The following KIF21B variants were observed in gnomAD, a reference collection of about 807,000 sequenced individuals.
KIF21B encodes the protein kinesin family member 21B.
Under a neutral mutation model 192.9 loss-of-function variants are expected in KIF21B, and 85 were observed. That is an observed-to-expected ratio of 0.44 (90% CI 0.37 to 0.53). The LOEUF is 0.53. Among genes scored for constraint, KIF21B ranks in the 20% least tolerant of loss-of-function variants. The probability of loss-of-function intolerance (pLI) is 0.00; values close to 1 mark genes in which losing one functional copy is unlikely to be tolerated. For missense variants in KIF21B, 1,716 were observed against 2,194.8 expected, an observed-to-expected ratio of 0.78 and a Z score of 4.36; for synonymous variants, 832 against 884.6, an observed-to-expected ratio of 0.94 and a Z score of 1.05.
intron 1 of KIF21B, among the ~76,000 whole-genome samples, chr1:201,018,158 G>A (rs1255957323): frequency 1.3e-5 from 2 of 152,202 alleles, no homozygotes; most frequent in Non-Finnish European, 2.9e-5. Flanking sequence ...GAAAGGCTAG[G>A]AGACCTAGCA....
chr1:200,980,847 C>T, intron 29 of KIF21B, 113 bp downstream of exon 29: 4 of 1,335,592 alleles, frequency 3.0e-6, no homozygotes, highest in Non-Finnish European at 3.1e-6. Flanking sequence ...GACCCCATAT[C>T]CTCAACTCCT....
chr1:200,974,419 C>A (rs1232775261), intron 34 of KIF21B, among the ~76,000 whole-genome samples: 2 of 151,778 alleles, frequency 1.3e-5, no homozygotes, highest in Non-Finnish European at 2.9e-5. Context: ...GAGATACCTG[C>A]ACGGGGGAAG....
At chr1:200,985,989 G>A (rs545890074) in intron 26 of KIF21B, among the ~76,000 whole-genome samples, 3 of 151,354 alleles carry the variant, frequency 2.0e-5, no homozygotes, top group African/African-American at 7.3e-5. Context: ...GGGATTACAG[G>A]TGCACACCAC....
chr1:200,978,863 T>TC (rs1187428755), intron 30 of KIF21B, among the ~76,000 whole-genome samples: 1 of 152,134 alleles, frequency 6.6e-6, no homozygotes, highest in African/African-American at 2.4e-5. Context: ...ACTAAAAATT[T>TC]TTTTTTTGTA....
chr1:201,000,809 C>T lies in KIF21B; in HGVS notation c.1403-29G>A, dbSNP rs369505900. The T allele has an allele frequency of 1.9e-6, 3 of 1,612,946 alleles. No individual in the cohort carries two copies. Among genetic ancestry groups the T allele is most frequent in the Non-Finnish European group, 2.5e-6 (3 of 1,179,022 alleles). ...GAGTGGGACGGCGGGAAGAAGGGTG[C>T]GATAAAGAAGATAAATAGGCCAGCG... On this transcript the variant is annotated intron_variant, in intron 9 of 34. Coordinates refer to ENST00000461742, the MANE Select transcript of KIF21B (RefSeq NM_001252102.2). The surrounding 1 kb of genome is among the most constrained non-coding windows in gnomAD (Gnocchi z 6.0).
chr1:200,984,718 C>T, intron 27 of KIF21B, 141 bp downstream of exon 27: 2 of 554,650 alleles, frequency 3.6e-6, no homozygotes, highest in Non-Finnish European at 3.1e-6. Context: ...GAGAGGGCAT[C>T]AGGGCCTCAG....
Position 200,990,208 on chromosome 1 carries a change from G to A in KIF21B, c.2960C>T (p.Ala987Val). 6.2e-7 allele frequency: 1 copy of A among 1,614,142 alleles called. No homozygotes were observed. Among genetic ancestry groups the A allele is most frequent in the Non-Finnish European group, 8.5e-7 (1 of 1,180,028 alleles). The change falls in exon 20 of 35, where the codon GCC becomes GTC. Residue 987 changes from alanine to valine, a missense_variant. This residue lies in a region of KIF21B where 49 missense variants were observed against 102.6 expected (regional missense o/e 0.48). Coordinates refer to ENST00000461742, the MANE Select transcript of KIF21B (RefSeq NM_001252102.2). This position sits in a 1 kb window ranked among gnomAD's most constrained non-coding sequence, Gnocchi z 5.4. ...ELAEEIEVLAANIDYINDGIT... is the reference protein window; with the variant it reads ...ELAEEIEVLAVNIDYINDGIT... ...GCCGTCATTGATGTAGTCAATGTTG[G>A]CTGCCAGCACCTCGATCTCCTCAGC...
Position 200,975,842 on chromosome 1 carries a change from C to T in KIF21B, c.4444-173G>A, listed in dbSNP as rs1655515199. On this transcript the variant is annotated intron_variant, in intron 32 of 34. Transcript: ENST00000461742. The surrounding 1 kb of genome is among the most constrained non-coding windows in gnomAD (Gnocchi z 4.3). ...GAGGGTTCCTGGAGGTGGGGCTGCT[C>T]CTTCTAAGGGACTGGGAACACGGAA... Among the ~76,000 whole-genome samples the T allele has an allele frequency of 6.6e-6, 1 of 152,080 alleles. No homozygotes were observed.
rs1417856397 is a variant in KIF21B, at chr1:201,005,897, CTGTTCCTCATTCCCT to C, written c.448-218_448-204del. 3.6e-3 allele frequency among the ~76,000 whole-genome samples: 547 copies of C among 152,356 alleles called. 1 individual carries two copies. The highest frequency in any genetic ancestry group is 6.8e-3 in the South Asian group (33 of 4,828). On this transcript the variant is annotated intron_variant, in intron 3 of 34. Coordinates refer to ENST00000461742, the MANE Select transcript of KIF21B (RefSeq NM_001252102.2). ...GGCAGAACTAGCTGGAGGCTGCACA[CTGTTCCTCATTCCCT>C]AAGGAACCAGCAGCCAGCAGCTCGG...
At chr1:200,973,704 A>C (rs1383689301) in intron 34 of KIF21B, 126 bp from the exon 35 acceptor site, 4 of 1,494,172 alleles carry the variant, frequency 2.7e-6, no homozygotes, top group Middle Eastern at 1.7e-4. Context: ...GCTGGGAGGC[A>C]AGCATGGCTT....
At position 201,009,391 on chromosome 1, in the gene KIF21B, C is replaced by A; in HGVS notation, c.139G>T (p.Ala47Ser). The A allele has an allele frequency of 1.2e-6, 2 of 1,614,224 alleles. No homozygotes were observed. The highest frequency in any genetic ancestry group is 1.7e-6 in the Non-Finnish European group (2 of 1,180,014). Residue 47 changes from alanine (A) to serine (S), a missense_variant, in exon 2 of 35, where the codon GCC (alanine) becomes TCC (serine). Around this residue, in one of 3 missense-constraint regions of KIF21B, gnomAD observed 1,087 missense variants for 1,316.6 expected, o/e 0.83. Coordinates refer to ENST00000461742, the MANE Select transcript of KIF21B (RefSeq NM_001252102.2). ...EPQVLLGKDKAFTYDFVFDLD... is the reference protein window; with the variant it reads ...EPQVLLGKDKSFTYDFVFDLD... ...TCGAAGACAAAGTCATAGGTGAAGG[C>A]CTTGTCCTTCCCCAGCAGGACCTGG... is the stretch of plus-strand genomic sequence containing the variant.
At position 201,017,121 on chromosome 1, in the gene KIF21B, A is replaced by G. The variant is rs1169817541; in HGVS notation, c.41+6222T>C. 2.6e-5 allele frequency among the ~76,000 whole-genome samples: 4 copies of G among 151,822 alleles called. No individual in the cohort carries two copies. The highest frequency in any genetic ancestry group is 9.7e-5 in the African/African-American group (4 of 41,274). ...TAAGGGTCAGGCAGGCTAACAGGGGAGGGGGTGCCTGCCATGAGGCACCTT... is the reference window on the plus strand; with the variant it reads ...TAAGGGTCAGGCAGGCTAACAGGGGGGGGGGTGCCTGCCATGAGGCACCTT... On this transcript the variant is annotated intron_variant, in intron 1 of 34. Coordinates refer to ENST00000461742, the MANE Select transcript of KIF21B (RefSeq NM_001252102.2). The surrounding 1 kb of genome is among the most constrained non-coding windows in gnomAD (Gnocchi z 4.1).
In KIF21B at chr1:200,976,829, T is replaced by C. The variant is rs748178950; in HGVS notation, c.4390A>G (p.Thr1464Ala). The part of the protein sequence containing the change: ...GPVMCLTVTQ[T>A]ASQHDLVVTG... Reference sequence around the variant, plus strand: ...ACCACGAGGTCATGCTGGCTGGCCGTCTGGGTGACCGTCAGGCACATCACA... The same window carrying C: ...ACCACGAGGTCATGCTGGCTGGCCGCCTGGGTGACCGTCAGGCACATCACA... Residue 1464 changes from threonine (T) to alanine (A), a missense_variant, in exon 32 of 35, where the codon ACG becomes GCG. Physicochemically the swap from Thr to Ala is moderately conservative, Grantham distance 58 (BLOSUM62 0). This residue lies in a region of KIF21B where 580 missense variants were observed against 775.5 expected (regional missense o/e 0.75). Coordinates refer to ENST00000461742, the MANE Select transcript of KIF21B (RefSeq NM_001252102.2). The C allele has an allele frequency of 6.2e-7, 1 of 1,613,728 alleles. No individual in the cohort carries two copies. The highest frequency in any genetic ancestry group is 1.1e-5 in the South Asian group (1 of 91,036).
intron 2 of KIF21B, 143 bp from the exon 3 acceptor site, chr1:201,009,094 G>A (rs1658086508): frequency 3.4e-6 from 4 of 1,192,976 alleles, no homozygotes; most frequent in Admixed American, 2.5e-5. Context: ...CCACACTCTG[G>A]GGAAATCACT....
Position 200,973,278 on chromosome 1 carries a change from C to T in KIF21B, c.*243G>A, listed in dbSNP as rs1571902983. 2.2e-6 allele frequency: 1 copy of T among 461,824 alleles called. No individual in the cohort carries two copies. Among genetic ancestry groups the T allele is most frequent in the Non-Finnish European group, 3.7e-6 (1 of 272,174 alleles). 28.6% of individuals were successfully genotyped at this position (461,824 alleles called of 1,614,324 possible). On this transcript the variant is annotated 3_prime_UTR_variant, in exon 35 of 35. Transcript: ENST00000461742. ...GAGGGGAACAAGAAGGGATAATGCC[C>T]TTTGGCTTCACAGCTTAATTTCCTC...
chr1:201,005,958 CAAAA>C (rs1474169096), intron 3 of KIF21B, among the ~76,000 whole-genome samples: 5 of 152,184 alleles, frequency 3.3e-5, no homozygotes, highest in Non-Finnish European at 7.3e-5. Context: ...GGCTGAGGAC[CAAAA>C]GAGGACAAAG....
chr1:200,973,670 C>A, intron 34 of KIF21B, 92 bp from the exon 35 acceptor site: 1 of 1,506,372 alleles, frequency 6.6e-7, no homozygotes, highest in South Asian at 1.3e-5. Flanking sequence ...ACTGGATTCC[C>A]CAAACTCCCC....
intron 17 of KIF21B, among the ~76,000 whole-genome samples, 198 bp from the exon 18 acceptor site, chr1:200,991,347 C>A (rs531074339): frequency 6.6e-6 from 1 of 152,148 alleles, no homozygotes; most frequent in Non-Finnish European, 1.5e-5. Flanking sequence ...CTTTTTTTAA[C>A]GCACAGCTCA....
Position 200,990,430 on chromosome 1 carries a change from GT to G in KIF21B, c.2836-99del, listed in dbSNP as rs1373734030. 3 of 1,472,728 alleles carry G rather than the reference GT, an allele frequency of 2.0e-6. No homozygotes were observed. The highest frequency in any genetic ancestry group is 2.8e-6 in the Non-Finnish European group (3 of 1,085,040). 91.2% of individuals were successfully genotyped at this position (1,472,728 alleles called of 1,614,324 possible). A position where few individuals can be genotyped will look rare whatever the true frequency, so the allele number is the denominator to read the frequency against. On this transcript the variant is annotated intron_variant, in intron 19 of 34. Coordinates refer to ENST00000461742, the MANE Select transcript of KIF21B (RefSeq NM_001252102.2). The surrounding 1 kb of genome is among the most constrained non-coding windows in gnomAD (Gnocchi z 5.4). ...CTTCCACCACAGGCTGGCCTGTGAG[GT>G]CCCCCCAGCACCTCTGGATTCCAGA...
Sources: allele counts gnomAD v4.1 joint callset (sites outside exome capture counted in the v4.1 genomes callset), GRCh38; gene constraint gnomAD v4.1.1; regional missense constraint gnomAD v4.1.1; non-coding constraint Gnocchi (gnomAD v3.1); transcripts MANE v1.5; gene names NCBI Gene and HGNC (gene_info 2026-07-23, HGNC 2026-07-21).